ITGA11: variants seen among roughly 807,000 people sequenced by gnomAD.
ITGA11 encodes integrin subunit alpha 11, also known as integrin alpha-11.
In ITGA11, 97 loss-of-function variants were observed where a neutral mutation model predicts 141.9. That is an observed-to-expected ratio of 0.68 (90% CI 0.58 to 0.81). The LOEUF is 0.81. Ranked by LOEUF, ITGA11 falls within the 30% of genes least tolerant of loss-of-function variation. The pLI, the probability that ITGA11 is intolerant of heterozygous loss-of-function variation, is 0.00. For missense variants in ITGA11, 1,387 were observed against 1,559.2 expected, an observed-to-expected ratio of 0.89 and a Z score of 1.86; for synonymous variants, 658 against 624.6, an observed-to-expected ratio of 1.05 and a Z score of -0.80.
At chr15:68,348,797 G>A in intron 10 of ITGA11, 33 bp downstream of exon 10, 1 of 1,571,610 alleles carries the variant, frequency 6.4e-7, no homozygotes, top group Non-Finnish European at 8.7e-7. Flanking sequence ...AGAGACAGAG[G>A]CTGGGCTCTG....
At chr15:68,375,886 C>A (rs982619809) in intron 2 of ITGA11, among the ~76,000 whole-genome samples, 2 of 152,162 alleles carry the variant, frequency 1.3e-5, no homozygotes, top group African/African-American at 4.8e-5. Flanking sequence ...CTAAGGAAAG[C>A]AAATCACCCT....
At position 68,373,147 on chromosome 15, in the gene ITGA11, C is replaced by T. The variant is rs1266104045; in HGVS notation, c.165-3863G>A. 2.6e-5 allele frequency among the ~76,000 whole-genome samples: 4 copies of T among 152,158 alleles called. No individual in the cohort carries two copies. In the East Asian group the frequency reaches 7.7e-4, roughly 29 times the overall value. On this transcript the variant is annotated intron_variant, in intron 2 of 29. Transcript: ENST00000315757. Reference sequence around the variant, plus strand: ...CTTTAAAATCCAGCATAAATTCCCACCTGCTCCAGGAAGCCGTCGGTGATT... The same window carrying T: ...CTTTAAAATCCAGCATAAATTCCCATCTGCTCCAGGAAGCCGTCGGTGATT...
chr15:68,304,064 C>G lies in ITGA11; in HGVS notation c.3382-179G>C, dbSNP rs144389446. ...GCCAAGGCCTCAGGACGACCACTGCCTGAACAGCCGACACTGGGTTCAGTG... is the reference window on the plus strand; with the variant it reads ...GCCAAGGCCTCAGGACGACCACTGCGTGAACAGCCGACACTGGGTTCAGTG... On this transcript the variant is annotated intron_variant, in intron 28 of 29. Transcript: ENST00000315757. The surrounding 1 kb of genome is among the most constrained non-coding windows in gnomAD (Gnocchi z 6.1). 2.7e-3 allele frequency among the ~76,000 whole-genome samples: 411 copies of G among 152,298 alleles called. 3 individuals are homozygous for G. The highest frequency in any genetic ancestry group is 9.3e-3 in the African/African-American group (387 of 41,560).
At position 68,318,134 on chromosome 15, in the gene ITGA11, A is replaced by C. The variant is rs146241632; in HGVS notation, c.2617-771T>G. ...GAGGAATGCTGACCTCACAGCCATG[A>C]GCGTTTCCTGGGTTGGGGATGGGTG... is the stretch of plus-strand genomic sequence containing the variant. On this transcript the variant is annotated intron_variant, in intron 20 of 29. Coordinates refer to ENST00000315757, the MANE Select transcript of ITGA11 (RefSeq NM_001004439.2). Among the ~76,000 whole-genome samples the C allele has an allele frequency of 6.3e-3, 954 of 152,146 alleles. 7 individuals are homozygous for C. Among genetic ancestry groups the C allele is most frequent in the Non-Finnish European group, 0.01 (697 of 68,002 alleles).
chr15:68,360,458 G>A (rs910898034), intron 5 of ITGA11, among the ~76,000 whole-genome samples: 2 of 152,064 alleles, frequency 1.3e-5, no homozygotes, highest in Non-Finnish European at 2.9e-5. Flanking sequence ...ACACTCCCTT[G>A]GGGAGCTTAA....
At chr15:68,356,400 G>T (rs987315723) in intron 7 of ITGA11, among the ~76,000 whole-genome samples, 1 of 152,018 alleles carries the variant, frequency 6.6e-6, no homozygotes, top group Non-Finnish European at 1.5e-5. Flanking sequence ...CACCACTCCT[G>T]GCCGAGTTCT....
At chr15:68,339,747 G>A (rs568291595) in intron 10 of ITGA11, 103 bp from the exon 11 acceptor site, 15 of 1,354,552 alleles carry the variant, frequency 1.1e-5, no homozygotes, top group African/African-American at 8.6e-5. Context: ...CAGCCACCTC[G>A]GGCACCTTCT....
intron 7 of ITGA11, among the ~76,000 whole-genome samples, chr15:68,353,347 C>A (rs906059682): frequency 6.6e-6 from 1 of 152,156 alleles, no homozygotes; most frequent in African/African-American, 2.4e-5. Flanking sequence ...TGCAGAGGCA[C>A]GTGCCACATG....
At chr15:68,393,179 T>G (rs1245344869) in intron 2 of ITGA11, among the ~76,000 whole-genome samples, 1 of 152,114 alleles carries the variant, frequency 6.6e-6, no homozygotes, top group Admixed American at 6.5e-5. Context: ...AGAGGATATC[T>G]AAATTGTAGC....
Position 68,326,619 on chromosome 15 carries a change from G to A in ITGA11, c.2211+35C>T, listed in dbSNP as rs1331111143. On this transcript the variant is annotated intron_variant, in intron 17 of 29. Coordinates refer to ENST00000315757, the MANE Select transcript of ITGA11 (RefSeq NM_001004439.2). This position sits in a 1 kb window ranked among gnomAD's most constrained non-coding sequence, Gnocchi z 6.8. ...CCACGGCAGATGCTCCTTCCTATAGGAGCTTGGGCTCTGCTGGTGGGGCTG... is the reference window on the plus strand; with the variant it reads ...CCACGGCAGATGCTCCTTCCTATAGAAGCTTGGGCTCTGCTGGTGGGGCTG... 6.4e-7 allele frequency: 1 copy of A among 1,560,720 alleles called. No individual in the cohort carries two copies. The highest frequency in any genetic ancestry group is 1.9e-5 in the Admixed American group (1 of 53,290).
Position 68,361,620 on chromosome 15 carries a change from A to G in ITGA11, c.442T>C (p.Phe148Leu). 6.2e-7 allele frequency: 1 copy of G among 1,609,472 alleles called. No individual in the cohort carries two copies. Among genetic ancestry groups the G allele is most frequent in the Non-Finnish European group, 8.5e-7 (1 of 1,177,926 alleles). The change falls in exon 5 of 30, where the codon TTC becomes CTC. Residue 148 changes from phenylalanine to leucine, a missense_variant. Coordinates refer to ENST00000315757, the MANE Select transcript of ITGA11 (RefSeq NM_001004439.2). Reference protein sequence around the residue: ...MCSRVNSNFRFSKTVAPALQR... With the variant: ...MCSRVNSNFRLSKTVAPALQR... ...AGAGCTGGGGCCACGGTCTTGGAGA[A>G]CCTGAAGTTGGAGTTGACTCTTGAA...
intron 2 of ITGA11, among the ~76,000 whole-genome samples, chr15:68,378,892 T>C (rs1895791644): frequency 6.6e-6 from 1 of 152,102 alleles, no homozygotes; most frequent in African/African-American, 2.4e-5. Context: ...AACTTTTAGG[T>C]CCACCTCAGC....
intron 1 of ITGA11, among the ~76,000 whole-genome samples, chr15:68,426,377 G>A (rs1307701427): frequency 6.6e-6 from 1 of 152,196 alleles, no homozygotes; most frequent in Non-Finnish European, 1.5e-5. Flanking sequence ...AGAATGGGCT[G>A]GAATGACAGC....
chr15:68,341,693 G>A (rs1894577206), intron 10 of ITGA11, among the ~76,000 whole-genome samples: 1 of 152,204 alleles, frequency 6.6e-6, no homozygotes, highest in African/African-American at 2.4e-5. Context: ...TTGAGTCCAA[G>A]TTTGTAACTG....
chr15:68,387,277 C>T (rs1896008637), intron 2 of ITGA11, among the ~76,000 whole-genome samples: 1 of 151,418 alleles, frequency 6.6e-6, no homozygotes, highest in Non-Finnish European at 1.5e-5. Flanking sequence ...TCTCTGGGCT[C>T]TCCCTGGCCC....
rs377376414 is a variant in ITGA11, at chr15:68,331,018, G to C, written c.1864C>G (p.Leu622Val). The change falls in exon 15 of 30, where the codon CTG becomes GTG. Residue 622 changes from leucine (L) to valine (V), a missense_variant. Physicochemically the swap from Leu to Val is conservative, Grantham distance 32. Transcript: ENST00000315757. Reference protein sequence around the residue: ...LDLNEDGLIDLAVGALGNAVI... With the variant: ...LDLNEDGLIDVAVGALGNAVI... ...GCGTTGCCAAGGGCTCCCACTGCCA[G>C]GTCGATGAGCCCATCCTCATTGAGG... is the stretch of plus-strand genomic sequence containing the variant. 6 of 1,613,646 alleles carry C rather than the reference G, an allele frequency of 3.7e-6. No homozygotes were observed. The highest frequency in any genetic ancestry group is 1.7e-5 in the Admixed American group (1 of 59,986).
At position 68,320,214 on chromosome 15, in the gene ITGA11, T is replaced by A; in HGVS notation, c.2587A>T (p.Asn863Tyr). 1 of 1,614,040 alleles carries A rather than the reference T, an allele frequency of 6.2e-7. No homozygotes were observed. Among genetic ancestry groups the A allele is most frequent in the Non-Finnish European group, 8.5e-7 (1 of 1,179,906 alleles). The change falls in exon 20 of 30, where the codon AAC becomes TAC. Residue 863 changes from asparagine (N) to tyrosine (Y), a missense_variant. Transcript: ENST00000315757. ...STVLNISQSA[N>Y]LQFASLIQKE... ...TGGATCAAGCTGGCAAACTGCAGGT[T>A]TGCTGACTGCGAGATATTTAGGACC... is the stretch of plus-strand genomic sequence containing the variant.
intron 2 of ITGA11, among the ~76,000 whole-genome samples, chr15:68,370,853 T>C (rs987506215): frequency 2.0e-5 from 3 of 152,068 alleles, no homozygotes; most frequent in African/African-American, 7.2e-5. Flanking sequence ...AGTTAGATGG[T>C]TGGGAGGAGG....
chr15:68,408,873 G>A (rs1277679068), intron 1 of ITGA11, among the ~76,000 whole-genome samples: 1 of 152,182 alleles, frequency 6.6e-6, no homozygotes, highest in African/African-American at 2.4e-5. Flanking sequence ...TTGGTTAGAA[G>A]CCTGGCTCTA....
Sources: allele counts gnomAD v4.1 joint callset (sites outside exome capture counted in the v4.1 genomes callset), GRCh38; gene constraint gnomAD v4.1.1; non-coding constraint Gnocchi (gnomAD v3.1); transcripts MANE v1.5; gene names NCBI Gene and HGNC (gene_info 2026-07-23, HGNC 2026-07-21).